Variants in PDE1A observed in about 807,000 individuals in gnomAD.
The protein encoded by PDE1A is phosphodiesterase 1A, also known as dual specificity calcium/calmodulin-dependent 3',5'-cyclic nucleotide phosphodiesterase 1A.
In PDE1A, 35 loss-of-function variants were observed where a neutral mutation model predicts 61.7. The observed-to-expected ratio is 0.57, with a 90% confidence interval of 0.43 to 0.75. The LOEUF (loss-of-function observed/expected upper bound fraction) is 0.75. PDE1A is among the 30% of genes least tolerant of loss of function. The pLI is 0.00. For synonymous variants in PDE1A, 232 were observed against 213.2 expected, an observed-to-expected ratio of 1.09 and a Z score of -0.77; for missense variants, 597 against 630.6, an observed-to-expected ratio of 0.95 and a Z score of 0.57.
intron 7 of PDE1A, among the ~76,000 whole-genome samples, chr2:182,212,398 A>G (rs1441585366): frequency 1.3e-5 from 2 of 152,224 alleles, no homozygotes; most frequent in East Asian, 3.9e-4. Flanking sequence ...TTAGAATACA[A>G]TACATTGGGG....
At chr2:182,627,157 TAAA>T in the PDE1A span, among the ~76,000 whole-genome samples, 1 of 66,118 alleles carries the variant, frequency 1.5e-5, no homozygotes, top group African/African-American at 6.5e-5. Context: ...TATTTATATA[TAAA>T]ATATAAATAA....
At chr2:182,359,869 A>G (rs1322907056) in intron 1 of PDE1A, among the ~76,000 whole-genome samples, 1 of 152,132 alleles carries the variant, frequency 6.6e-6, no homozygotes, top group Non-Finnish European at 1.5e-5. Flanking sequence ...GCTTATCTTG[A>G]GATTGCCAAG....
At chr2:182,489,152 T>A (rs568877236) in intron 2 of PDE1A, among the ~76,000 whole-genome samples, 15 of 152,286 alleles carry the variant, frequency 9.8e-5, no homozygotes, top group African/African-American at 3.4e-4. Context: ...GCACTATGAA[T>A]GTATCTCAGA....
the PDE1A span, among the ~76,000 whole-genome samples, chr2:182,562,416 T>C: frequency 2.0e-5 from 3 of 149,838 alleles, no homozygotes; most frequent in Admixed American, 6.7e-5. Flanking sequence ...CACTTGATCA[T>C]GGTGGATAAG....
the PDE1A span, among the ~76,000 whole-genome samples, chr2:182,693,857 G>A: frequency 3.0e-4 from 46 of 152,182 alleles, no homozygotes; most frequent in Middle Eastern, 3.4e-3. Context: ...ATGTTGGCCA[G>A]GCTGGTCTCA....
At chr2:182,437,391 T>C (rs1684499943) in intron 2 of PDE1A, among the ~76,000 whole-genome samples, 1 of 151,900 alleles carries the variant, frequency 6.6e-6, no homozygotes, top group Admixed American at 6.6e-5. Flanking sequence ...CTCTACCTTT[T>C]CTCTAAATCA....
At chr2:182,552,433 C>A in the PDE1A span, among the ~76,000 whole-genome samples, 3 of 148,046 alleles carry the variant, frequency 2.0e-5, no homozygotes. Flanking sequence ...ACAAAAGCTA[C>A]ACAAAGTTTT....
In PDE1A at chr2:182,229,946, A is replaced by C. The variant is rs73977312; in HGVS notation, c.675+60T>G. ...CATTAAAGAGACAATAGAAACTTAT[A>C]GGAATGGAAGTTTGGAATGCTTCCA... is the stretch of plus-strand genomic sequence containing the variant. On this transcript the variant is annotated intron_variant, in intron 6 of 13. Coordinates refer to ENST00000351439, the Ensembl canonical transcript of PDE1A. 12,545 of 1,330,230 alleles carry C rather than the reference A, an allele frequency of 9.4e-3. 878 individuals carry two copies. The African/African-American group carries it at 0.16, about 17-fold the overall frequency. The allele number at this position is 1,330,230 out of a possible 1,614,324, so 82.4% of individuals were successfully genotyped here.
chr2:182,390,778 G>A (rs1029593662), intron 1 of PDE1A, among the ~76,000 whole-genome samples: 1 of 152,200 alleles, frequency 6.6e-6, no homozygotes, highest in Non-Finnish European at 1.5e-5. Flanking sequence ...TGTGTGGGAA[G>A]ACCCTGATGA....
chr2:182,329,515 G>A (rs1190632442), intron 1 of PDE1A, among the ~76,000 whole-genome samples: 12 of 151,760 alleles, frequency 7.9e-5, no homozygotes, highest in Admixed American at 5.2e-4. Context: ...TCAGCCTCCC[G>A]AGTAGCTGGG....
At chr2:182,620,331 G>C in the PDE1A span, among the ~76,000 whole-genome samples, 1 of 152,006 alleles carries the variant, frequency 6.6e-6, no homozygotes, top group Non-Finnish European at 1.5e-5. Context: ...TTTGTTTATT[G>C]CTTTCAGACA....
chr2:182,577,438 G>C, the PDE1A span, among the ~76,000 whole-genome samples: 2 of 152,200 alleles, frequency 1.3e-5, no homozygotes. Context: ...AGATGGCAAA[G>C]CTCGGACAGC....
At chr2:182,553,614 T>C in the PDE1A span, among the ~76,000 whole-genome samples, 2 of 152,216 alleles carry the variant, frequency 1.3e-5, no homozygotes, top group Admixed American at 6.5e-5. Flanking sequence ...ATGATTACAG[T>C]TCAAGGTGTT....
At chr2:182,326,381 C>T (rs989875610) in intron 1 of PDE1A, among the ~76,000 whole-genome samples, 2 of 152,102 alleles carry the variant, frequency 1.3e-5, no homozygotes, top group Non-Finnish European at 2.9e-5. Flanking sequence ...ATATTATTCA[C>T]CCTTAAAAAG....
At chr2:182,528,469 G>C in the PDE1A span, among the ~76,000 whole-genome samples, 16 of 152,290 alleles carry the variant, frequency 1.1e-4, no homozygotes, top group African/African-American at 3.1e-4. Flanking sequence ...AGTTTTAAAA[G>C]GGAAACAGAG....
chr2:182,693,677 C>G, the PDE1A span, among the ~76,000 whole-genome samples: 1 of 147,436 alleles, frequency 6.8e-6, no homozygotes, highest in Non-Finnish European at 1.5e-5. Context: ...GGAAACACTC[C>G]ACACTGTTGC....
chr2:182,173,621 C>T (rs1692447335), intron 13 of PDE1A, among the ~76,000 whole-genome samples: 1 of 151,610 alleles, frequency 6.6e-6, no homozygotes, highest in South Asian at 2.1e-4. Context: ...CTCATTTAAA[C>T]TTCTAATTAC....
At chr2:182,663,889 T>C in the PDE1A span, among the ~76,000 whole-genome samples, 12 of 152,236 alleles carry the variant, frequency 7.9e-5, no homozygotes, top group Admixed American at 2.6e-4. Context: ...AAGTAACTTA[T>C]AAAAATTTAA....
rs3769796 is a variant in PDE1A at position 182,188,931 on chromosome 2, C to G, written c.1207+48G>C. On this transcript the variant is annotated intron_variant, in intron 11 of 13. Coordinates refer to ENST00000351439, the Ensembl canonical transcript of PDE1A. ...ACAACATCGTTTACCCATTTGAAAA[C>G]TGACAAGCACACACTCACTTTCCAC... 231,643 of 1,260,056 alleles carry G rather than the reference C, an allele frequency of 0.18. 22,508 individuals carry two copies. Among genetic ancestry groups the G allele is most frequent in the East Asian group, 0.29 (12,387 of 42,574 alleles). The allele number at this position is 1,260,056 out of a possible 1,614,324, so 78.1% of individuals were successfully genotyped here.
Sources: allele counts gnomAD v4.1 joint callset (sites outside exome capture counted in the v4.1 genomes callset), GRCh38; gene constraint gnomAD v4.1.1; transcripts MANE v1.5; gene names NCBI Gene and HGNC (gene_info 2026-07-23, HGNC 2026-07-21).